RXFP2: variants seen among roughly 807,000 people sequenced by gnomAD.
RXFP2 encodes the protein relaxin receptor 2.
A neutral mutation model predicts 88.6 loss-of-function variants in RXFP2; 68 were observed. The observed-to-expected ratio is 0.77, with a 90% CI of 0.63 to 0.94. The LOEUF is 0.94. Among genes scored for constraint, RXFP2 ranks in the 40% least tolerant of loss-of-function variants. The pLI, the probability that RXFP2 is intolerant of heterozygous loss-of-function variation, is 0.00. For synonymous variants in RXFP2, 329 were observed against 306.8 expected (o/e 1.07, Z -0.76); for missense variants, 791 against 893.9 (o/e 0.88, Z 1.47).
chr13:31,790,086 C>A (rs1223800042), intron 14 of RXFP2, among the ~76,000 whole-genome samples: 1 of 152,042 alleles, frequency 6.6e-6, no homozygotes, highest in Non-Finnish European at 1.5e-5. Flanking sequence ...AAATATAGAC[C>A]TCAGGCCAAG....
chr13:31,788,978 TAAGA>T (rs1873672189), intron 13 of RXFP2, 140 bp from the exon 14 acceptor site: 2 of 656,006 alleles, frequency 3.0e-6, no homozygotes, highest in African/African-American at 1.8e-5. Context: ...AGCCATTTTC[TAAGA>T]TAGTGTACTG....
At position 31,776,095 on chromosome 13, in the gene RXFP2, T is replaced by TC. The variant is rs1566227762; in HGVS notation, c.641+707dup. 4.2e-3 allele frequency among the ~76,000 whole-genome samples: 279 copies of TC among 66,638 alleles called. 3 individuals are homozygous for TC. Among genetic ancestry groups the TC allele is most frequent in the African/African-American group, 0.015 (266 of 17,464 alleles). The allele number at this position is 66,638 out of a possible 152,430, so 43.7% of individuals were successfully genotyped here. A position where few individuals can be genotyped will look rare whatever the true frequency, so the allele number is the denominator to read the frequency against. On this transcript the variant is annotated intron_variant, in intron 7 of 17. Transcript: ENST00000298386. ...TTCTTTCTTTCCTTCCTTCTTTCTT[T>TC]CTTTTCTTTTCTTTCTTTCTTTCTT...
intron 11 of RXFP2, among the ~76,000 whole-genome samples, chr13:31,785,879 T>A (rs1352286624): frequency 1.3e-5 from 2 of 152,222 alleles, no homozygotes; most frequent in Non-Finnish European, 2.9e-5. Context: ...AAAAATAGTC[T>A]TGTAGAAGAA....
At position 31,802,152 on chromosome 13, in the gene RXFP2, TG is replaced by T; in HGVS notation, c.2013del (p.Met671IlefsTer5). 1.2e-6 allele frequency: 2 copies of T among 1,614,098 alleles called. No homozygotes were observed. Among genetic ancestry groups the T allele is most frequent in the Non-Finnish European group, 1.7e-6 (2 of 1,179,976 alleles). On this transcript the variant is annotated frameshift_variant, in exon 18 of 18. Transcript: ENST00000298386. LOFTEE classifies it high-confidence loss of function. The part of the protein sequence containing the change: ...SLFRVEIPDT[M>X]TSWIVIFFLP... ...ACTTTGCTTCCTTTTCCAGACACAA[TG>T]ACTTCCTGGATAGTGATTTTTTTCC...
intron 16 of RXFP2, among the ~76,000 whole-genome samples, chr13:31,793,849 T>TTGCTTC (rs1432160216): frequency 6.6e-6 from 1 of 152,182 alleles, no homozygotes; most frequent in Non-Finnish European, 1.5e-5. Flanking sequence ...TCTTCAAAAT[T>TTGCTTC]TGCTTCTGCT....
At chr13:31,772,791 T>C (rs984914903) in intron 5 of RXFP2, among the ~76,000 whole-genome samples, 3 of 152,230 alleles carry the variant, frequency 2.0e-5, no homozygotes, top group Admixed American at 6.5e-5. Flanking sequence ...ACACATCAGA[T>C]GAGTTGTGTG....
In RXFP2 at chr13:31,789,974, G is replaced by A. The variant is rs188427193; in HGVS notation, c.1145+781G>A. 1.3e-3 allele frequency among the ~76,000 whole-genome samples: 191 copies of A among 152,268 alleles called. 1 individual carries two copies. Among genetic ancestry groups the A allele is most frequent in the Non-Finnish European group, 2.1e-3 (146 of 68,016 alleles). ...TCTTCTGTGGCACTATTAGATAAAT[G>A]TTTAATGAGGGTATCATTTCCTTGT... On this transcript the variant is annotated intron_variant, in intron 14 of 17. Transcript: ENST00000298386.
At chr13:31,789,879 A>C (rs767871586) in intron 14 of RXFP2, among the ~76,000 whole-genome samples, 1 of 152,164 alleles carries the variant, frequency 6.6e-6, no homozygotes, top group Non-Finnish European at 1.5e-5. Context: ...CATTTTGTTT[A>C]TGTCTGTGCA....
At chr13:31,778,748 G>A (rs1873115353) in intron 9 of RXFP2, among the ~76,000 whole-genome samples, 165 bp downstream of exon 9, 2 of 152,004 alleles carry the variant, frequency 1.3e-5, no homozygotes, top group Non-Finnish European at 1.5e-5. Flanking sequence ...GTTCCCAAAG[G>A]GTGAGGGTAA....
At position 31,792,715 on chromosome 13, in the gene RXFP2, T is replaced by C. The variant is rs1566236166; in HGVS notation, c.1413T>C (p.Val471=). 2 of 1,614,188 alleles carry C rather than the reference T, an allele frequency of 1.2e-6. No individual in the cohort carries two copies. The highest frequency in any genetic ancestry group is 1.7e-6 in the Non-Finnish European group (2 of 1,180,030). ...DCLMGVYLFF[V]GIFDIKYRGQ... is the part of the protein sequence containing the mutation. ...TGATGGGTGTTTACTTGTTCTTTGT[T>C]GGCATTTTCGATATAAAATACCGAG... Residue 471 remains valine (V), a synonymous_variant, in exon 16 of 18, where the codon GTT becomes GTC. Coordinates refer to ENST00000298386, the MANE Select transcript of RXFP2 (RefSeq NM_130806.5).
chr13:31,758,849 C>A (rs911173317), intron 2 of RXFP2, among the ~76,000 whole-genome samples: 4 of 151,928 alleles, frequency 2.6e-5, no homozygotes, highest in Admixed American at 6.6e-5. Context: ...ATCAGCCTGG[C>A]CAACATGGTG....
chr13:31,782,224 T>A (rs1204841742), intron 10 of RXFP2, among the ~76,000 whole-genome samples: 1 of 152,154 alleles, frequency 6.6e-6, no homozygotes, highest in Admixed American at 6.5e-5. Flanking sequence ...CTGTTTATAT[T>A]TTTTATGGGG....
At chr13:31,750,897 G>A (rs567448479) in intron 1 of RXFP2, among the ~76,000 whole-genome samples, 1 of 152,218 alleles carries the variant, frequency 6.6e-6, no homozygotes, top group African/African-American at 2.4e-5. Context: ...TGAAGGGGAG[G>A]AGAGTATATC....
intron 1 of RXFP2, among the ~76,000 whole-genome samples, chr13:31,743,815 C>A (rs967387216): frequency 6.6e-6 from 1 of 152,136 alleles, no homozygotes; most frequent in South Asian, 2.1e-4. Flanking sequence ...CTTGGGCCTG[C>A]TCTTCAGCTC....
At chr13:31,791,039 G>A (rs1873767702) in intron 14 of RXFP2, among the ~76,000 whole-genome samples, 1 of 152,184 alleles carries the variant, frequency 6.6e-6, no homozygotes, top group Non-Finnish European at 1.5e-5. Context: ...TGACAGCAAA[G>A]AGCAGAAAAG....
intron 7 of RXFP2, among the ~76,000 whole-genome samples, chr13:31,776,727 G>A (rs571770838): frequency 6.6e-6 from 1 of 152,156 alleles, no homozygotes; most frequent in East Asian, 1.9e-4. Context: ...TCCCACTCCT[G>A]CCCTCACCGG....
chr13:31,769,544 T>C (rs982262834), intron 5 of RXFP2, among the ~76,000 whole-genome samples: 2 of 152,206 alleles, frequency 1.3e-5, no homozygotes, highest in African/African-American at 4.8e-5. Flanking sequence ...ACATTTGTCT[T>C]GATGGGTGAC....
At chr13:31,782,213 G>A (rs997727677) in intron 10 of RXFP2, among the ~76,000 whole-genome samples, 5 of 151,992 alleles carry the variant, frequency 3.3e-5, no homozygotes, top group African/African-American at 1.2e-4. Flanking sequence ...GATTCTGATC[G>A]CTGTTTATAT....
chr13:31,772,776 G>A, intron 5 of RXFP2, among the ~76,000 whole-genome samples: 1 of 152,174 alleles, frequency 6.6e-6, no homozygotes, highest in East Asian at 1.9e-4. Flanking sequence ...AGGGAGATAG[G>A]TTGTACACAT....
Sources: gnomAD v4.1 joint callset for allele counts (sites outside exome capture counted in the v4.1 genomes callset) on GRCh38, gnomAD v4.1.1 for gene constraint, MANE v1.5 for transcripts, NCBI Gene and HGNC (gene_info 2026-07-23, HGNC 2026-07-21) for gene names.